PTCHD4: variants seen among roughly 807,000 people sequenced by gnomAD.
PTCHD4 encodes patched domain containing 4.
PTCHD4 carries 33 observed loss-of-function variants against 58.1 expected under a neutral mutation model. The ratio of observed to expected loss-of-function variants is 0.57; its 90% CI spans 0.43 to 0.76. The LOEUF is 0.76. Ranked by LOEUF, PTCHD4 falls within the 30% of genes least tolerant of loss-of-function variation. The pLI is 0.00. For synonymous variants in PTCHD4, 478 were observed against 409.6 expected (o/e 1.17, Z -2.02); for missense variants, 1,058 against 1,027.1 (o/e 1.03, Z -0.41).
intron 1 of PTCHD4, among the ~76,000 whole-genome samples, chr6:48,098,095 AC>A (rs1765512109): frequency 6.6e-6 from 1 of 152,066 alleles, no homozygotes; most frequent in South Asian, 2.1e-4. Context: ...AATCACCCAA[AC>A]TGGCATTCCT....
rs931738330 is a variant in PTCHD4 at position 47,858,806 on chromosome 6, G to A, written c.*19497C>T. On this transcript the variant is annotated 3_prime_UTR_variant, in exon 5 of 5. Coordinates refer to ENST00000339488, the MANE Select transcript of PTCHD4 (RefSeq NM_001384253.1). ...AAGGTGAGAAATTTCTATCAGAAAG[G>A]AAAACAATACAGCAAATGTCACATT... Among the ~76,000 whole-genome samples the A allele has an allele frequency of 3.3e-5, 5 of 152,000 alleles. No homozygotes were observed. Among genetic ancestry groups the A allele is most frequent in the African/African-American group, 4.8e-5 (2 of 41,424 alleles).
chr6:47,877,350 C>A lies in PTCHD4; in HGVS notation c.*953G>T, dbSNP rs1561933756. On this transcript the variant is annotated 3_prime_UTR_variant, in exon 5 of 5. Coordinates refer to ENST00000339488, the MANE Select transcript of PTCHD4 (RefSeq NM_001384253.1). ...GTATGGATAATCTGTGTAAAGCGCTCATTTGCAATTGGGTGAGCTCACTGA... is the reference window on the plus strand; with the variant it reads ...GTATGGATAATCTGTGTAAAGCGCTAATTTGCAATTGGGTGAGCTCACTGA... 6.6e-6 allele frequency among the ~76,000 whole-genome samples: 1 copy of A among 152,026 alleles called. No individual in the cohort carries two copies. Among genetic ancestry groups the A allele is most frequent in the Non-Finnish European group, 1.5e-5 (1 of 67,984 alleles).
chr6:48,002,564 A>G (rs992771211), intron 4 of PTCHD4, among the ~76,000 whole-genome samples: 3 of 150,778 alleles, frequency 2.0e-5, no homozygotes, highest in African/African-American at 7.3e-5. Flanking sequence ...AACAATGAGA[A>G]CACATGGACA....
chr6:48,052,585 C>T (rs781379621), intron 3 of PTCHD4, among the ~76,000 whole-genome samples: 7 of 151,920 alleles, frequency 4.6e-5, no homozygotes, highest in South Asian at 2.1e-4. Context: ...ATGATGCTTA[C>T]GTTAAACTCT....
At chr6:47,954,704 A>C (rs531231092) in intron 4 of PTCHD4, among the ~76,000 whole-genome samples, 1 of 152,220 alleles carries the variant, frequency 6.6e-6, no homozygotes, top group South Asian at 2.1e-4. Context: ...AGTATACTGT[A>C]TTTTCCAAAA....
At chr6:47,881,933 G>GT (rs1366836350) in intron 4 of PTCHD4, among the ~76,000 whole-genome samples, 10 of 152,076 alleles carry the variant, frequency 6.6e-5, no homozygotes, top group South Asian at 2.1e-4. Context: ...GAAAAGGCAC[G>GT]TTTTTTTCAT....
chr6:47,891,045 TAA>T (rs59150823), intron 4 of PTCHD4: 23 of 126,004 alleles, frequency 1.8e-4, no homozygotes, highest in Non-Finnish European at 2.9e-4. Context: ...TTGCATCAAC[TAA>T]AAAAAAAAAA....
At chr6:48,062,225 G>A (rs1318009351) in intron 3 of PTCHD4, among the ~76,000 whole-genome samples, 1 of 152,198 alleles carries the variant, frequency 6.6e-6, no homozygotes, top group Non-Finnish European at 1.5e-5. Context: ...CGGTTAGAGT[G>A]CATTATTGCT....
At chr6:47,933,416 C>A (rs1765890663) in intron 4 of PTCHD4, among the ~76,000 whole-genome samples, 1 of 152,154 alleles carries the variant, frequency 6.6e-6, no homozygotes, top group Admixed American at 6.6e-5. Flanking sequence ...TCTTCAAGGG[C>A]CCACATTTTG....
At chr6:48,028,893 C>T (rs964988986) in intron 3 of PTCHD4, among the ~76,000 whole-genome samples, 13 of 151,998 alleles carry the variant, frequency 8.6e-5, no homozygotes, top group Admixed American at 7.9e-4. Context: ...CCCAGAAAAT[C>T]TCAAAGGATT....
At chr6:48,076,288 C>T (rs1403942031) in intron 1 of PTCHD4, among the ~76,000 whole-genome samples, 3 of 152,214 alleles carry the variant, frequency 2.0e-5, no homozygotes, top group Middle Eastern at 3.2e-3. Context: ...CTGTTGCTTT[C>T]TCCACTGAAG....
At chr6:47,908,054 G>A (rs1581860136) in intron 4 of PTCHD4, among the ~76,000 whole-genome samples, 1 of 152,136 alleles carries the variant, frequency 6.6e-6, no homozygotes, top group Non-Finnish European at 1.5e-5. Flanking sequence ...AAGAGTTACA[G>A]TATAGAATAC....
chr6:47,950,817 G>A (rs533627001), intron 4 of PTCHD4, among the ~76,000 whole-genome samples: 25 of 152,166 alleles, frequency 1.6e-4, no homozygotes, highest in African/African-American at 4.8e-4. Context: ...TTAAAAGTTG[G>A]GAAGATGAAG....
At chr6:47,886,524 G>C (rs1223589594) in intron 4 of PTCHD4, among the ~76,000 whole-genome samples, 1 of 152,070 alleles carries the variant, frequency 6.6e-6, no homozygotes, top group Non-Finnish European at 1.5e-5. Context: ...TCCAAAGAAA[G>C]CTTACTACTT....
At chr6:47,901,801 A>G (rs1010730559) in intron 4 of PTCHD4, 1 of 1,271,504 alleles carries the variant, frequency 7.9e-7, no homozygotes, top group Non-Finnish European at 1.0e-6. Flanking sequence ...ATTTTATTGT[A>G]TCCTAGGAGT....
At chr6:48,041,198 G>A (rs995523055) in intron 3 of PTCHD4, among the ~76,000 whole-genome samples, 11 of 151,966 alleles carry the variant, frequency 7.2e-5, no homozygotes, top group Non-Finnish European at 1.6e-4. Flanking sequence ...CCTCCACCCA[G>A]GTGAGAATGT....
intron 1 of PTCHD4, among the ~76,000 whole-genome samples, chr6:48,091,564 T>C (rs1337573125): frequency 6.6e-6 from 1 of 152,194 alleles, no homozygotes; most frequent in Non-Finnish European, 1.5e-5. Flanking sequence ...CCAAGGTCTA[T>C]TGAAGCAGAT....
At position 47,976,473 on chromosome 6, in the gene PTCHD4, T is replaced by C. The variant is rs528150635; in HGVS notation, c.898+32161A>G. Among the ~76,000 whole-genome samples, 716 of 151,958 alleles carry C rather than the reference T, an allele frequency of 4.7e-3. 3 individuals are homozygous for C. Among genetic ancestry groups the C allele is most frequent in the African/African-American group, 0.016 (646 of 41,428 alleles). On this transcript the variant is annotated intron_variant, in intron 4 of 4. Coordinates refer to ENST00000339488, the MANE Select transcript of PTCHD4 (RefSeq NM_001384253.1). ...TTCCAGACCAGCCTGGTCAACACGG[T>C]GAAACCCCCATCTCTACTAAAAATA...
At chr6:47,983,181 G>A (rs1336295853) in intron 4 of PTCHD4, among the ~76,000 whole-genome samples, 1 of 152,064 alleles carries the variant, frequency 6.6e-6, no homozygotes, top group Non-Finnish European at 1.5e-5. Flanking sequence ...AAACTATGTT[G>A]GAGATAAAAT....
Sources: gnomAD v4.1 joint callset for allele counts (sites outside exome capture counted in the v4.1 genomes callset) on GRCh38, gnomAD v4.1.1 for gene constraint, MANE v1.5 for transcripts, NCBI Gene and HGNC (gene_info 2026-07-23, HGNC 2026-07-21) for gene names.